The following ABCA13 variants were observed in gnomAD, a reference collection of about 807,000 sequenced individuals.
The protein encoded by ABCA13 is ATP-binding cassette sub-family A member 13.
ABCA13 carries 476 observed loss-of-function variants against 478.7 expected under a neutral mutation model. The ratio of observed to expected loss-of-function variants is 0.99; its 90% CI spans 0.92 to 1.07. ABCA13 has a LOEUF of 1.07. Among genes scored for constraint, ABCA13 ranks in the 50% least tolerant of loss-of-function variants. ABCA13 has a pLI of 0.00. For missense variants in ABCA13, 6,060 were observed against 5,910.6 expected (o/e 1.03, Z -0.83); for synonymous variants, 2,252 against 2,158.9 (o/e 1.04, Z -1.20).
At chr7:48,282,845 T>G (rs1797230081) in intron 19 of ABCA13, among the ~76,000 whole-genome samples, 1 of 152,170 alleles carries the variant, frequency 6.6e-6, no homozygotes, top group East Asian at 1.9e-4. Flanking sequence ...TCTACAGTTG[T>G]GAGAACCCAG....
chr7:48,193,652 TGATGATGATGGA>T (rs1371868888), intron 2 of ABCA13, among the ~76,000 whole-genome samples: 97 of 151,838 alleles, frequency 6.4e-4, no homozygotes, highest in African/African-American at 2.1e-3. Context: ...ACTATGATGA[TGATGATGATGGA>T]GATGATGATG....
intron 35 of ABCA13, among the ~76,000 whole-genome samples, chr7:48,379,080 G>A (rs938666414): frequency 6.6e-6 from 1 of 152,074 alleles, no homozygotes; most frequent in Non-Finnish European, 1.5e-5. Context: ...AAAAATCAAA[G>A]CTCGCACATA....
chr7:48,476,100 T>C (rs1419625060), intron 45 of ABCA13, among the ~76,000 whole-genome samples: 1 of 152,156 alleles, frequency 6.6e-6, no homozygotes, highest in Non-Finnish European at 1.5e-5. Flanking sequence ...CTCACACAGT[T>C]CTGGAGGCTG....
chr7:48,180,811 A>C (rs1562713832), intron 1 of ABCA13, among the ~76,000 whole-genome samples: 2 of 152,142 alleles, frequency 1.3e-5, no homozygotes, highest in Admixed American at 6.5e-5. Flanking sequence ...CTGAGGCAGG[A>C]GGATCGCTTC....
chr7:48,337,626 T>C (rs1452814352), intron 28 of ABCA13, among the ~76,000 whole-genome samples: 1 of 152,150 alleles, frequency 6.6e-6, no homozygotes, highest in Non-Finnish European at 1.5e-5. Context: ...ATTGGCAAAT[T>C]CCAAAATTAA....
chr7:48,394,947 T>C (rs995758533), intron 38 of ABCA13, among the ~76,000 whole-genome samples: 13 of 152,028 alleles, frequency 8.6e-5, no homozygotes, highest in Non-Finnish European at 1.6e-4. Context: ...GGTTGTATGG[T>C]GAAGGGTCAT....
chr7:48,171,698 A>G (rs1794091057), intron 1 of ABCA13, 146 bp downstream of exon 1: 2 of 885,306 alleles, frequency 2.3e-6, no homozygotes, highest in Admixed American at 4.4e-5. Flanking sequence ...ATTTTAAATC[A>G]AAACCCGTCC....
chr7:48,463,002 T>C (rs147227249), intron 43 of ABCA13, among the ~76,000 whole-genome samples: 1 of 152,224 alleles, frequency 6.6e-6, no homozygotes, highest in African/African-American at 2.4e-5. Context: ...CATCACTGTT[T>C]GTATCTAAAC....
intron 48 of ABCA13, among the ~76,000 whole-genome samples, chr7:48,492,087 G>A (rs528381165): frequency 6.6e-5 from 10 of 152,282 alleles, no homozygotes; most frequent in South Asian, 6.2e-4. Context: ...CCCTGATGCA[G>A]GCCGCTTGAT....
rs903979311 is a variant in ABCA13, at chr7:48,310,223, G to A, written c.9516+82G>A. 4 of 1,454,204 alleles carry A rather than the reference G, an allele frequency of 2.8e-6. No homozygotes were observed. In the African/African-American group the frequency reaches 5.7e-5, roughly 21 times the overall value. 90.1% of individuals were successfully genotyped at this position (1,454,204 alleles called of 1,614,324 possible). ...GCAGATAAGTACAGTAGTCCTAGGG[G>A]TGCGGCAGTGGGAGATCAGCACCTG... On this transcript the variant is annotated intron_variant, in intron 24 of 61. Coordinates refer to ENST00000435803, the MANE Select transcript of ABCA13 (RefSeq NM_152701.5).
chr7:48,197,003 T>C (rs917159646), intron 2 of ABCA13, among the ~76,000 whole-genome samples: 1 of 152,176 alleles, frequency 6.6e-6, no homozygotes, highest in African/African-American at 2.4e-5. Flanking sequence ...CTTCCAAAGT[T>C]AAGATTATTT....
At chr7:48,426,591 A>G (rs1821455055) in intron 41 of ABCA13, among the ~76,000 whole-genome samples, 1 of 152,180 alleles carries the variant, frequency 6.6e-6, no homozygotes, top group Admixed American at 6.5e-5. Context: ...AGCTGGATGG[A>G]CAGTGACGCT....
At chr7:48,191,390 A>G (rs1412352993) in intron 1 of ABCA13, among the ~76,000 whole-genome samples, 1 of 152,198 alleles carries the variant, frequency 6.6e-6, no homozygotes, top group East Asian at 1.9e-4. Flanking sequence ...AATATTTCAA[A>G]GACGGTGATT....
At chr7:48,218,845 T>G (rs935357346) in intron 3 of ABCA13, among the ~76,000 whole-genome samples, 5 of 152,240 alleles carry the variant, frequency 3.3e-5, no homozygotes, top group African/African-American at 1.2e-4. Context: ...TAACTCTTTG[T>G]GATGTAAGCT....
At chr7:48,439,566 A>T (rs1190880104) in intron 42 of ABCA13, among the ~76,000 whole-genome samples, 1 of 152,188 alleles carries the variant, frequency 6.6e-6, no homozygotes, top group Non-Finnish European at 1.5e-5. Context: ...ATGCAGGAGG[A>T]TATTACTACA....
At chr7:48,276,688 T>C (rs1796351119) in intron 17 of ABCA13, 123 bp downstream of exon 17, 3 of 755,822 alleles carry the variant, frequency 4.0e-6, no homozygotes, top group African/African-American at 3.5e-5. Context: ...AGATCTTTGA[T>C]GTAAATTTGT....
intron 41 of ABCA13, among the ~76,000 whole-genome samples, chr7:48,413,855 AT>A (rs1362737542): frequency 2.6e-5 from 4 of 152,222 alleles, no homozygotes; most frequent in Admixed American, 2.6e-4. Context: ...TATTATTCCT[AT>A]TTTAAGGTTG....
chr7:48,502,379 C>T (rs1830833869), intron 48 of ABCA13, among the ~76,000 whole-genome samples: 1 of 152,226 alleles, frequency 6.6e-6, no homozygotes, highest in African/African-American at 2.4e-5. Flanking sequence ...AATCTTTCAG[C>T]AGTGACTGTC....
Position 48,281,384 on chromosome 7 carries a change from C to T in ABCA13, c.8768C>T (p.Pro2923Leu). Residue 2923 changes from proline (P) to leucine (L), a missense_variant, in exon 19 of 62, where the codon CCC (proline) becomes CTC (leucine). Pro to Leu is a moderately conservative substitution (Grantham distance 98, BLOSUM62 -3). Around this residue, in one of 3 missense-constraint regions of ABCA13, gnomAD observed 4,423 missense variants for 4,309.1 expected, o/e 1.03. Transcript: ENST00000435803. The part of the protein sequence containing the change: ...ICEVFQQTVK[P>L]SEAMEMLQKV... ...GAAGTTTTCCAGCAGACTGTGAAGC[C>T]CTCAGAAGCCATGGAGATGCTGCAG... is the stretch of plus-strand genomic sequence containing the variant. The T allele has an allele frequency of 1.2e-6, 2 of 1,609,664 alleles. No individual in the cohort carries two copies. Among genetic ancestry groups the T allele is most frequent in the Non-Finnish European group, 1.7e-6 (2 of 1,178,060 alleles).
Sources: allele counts gnomAD v4.1 joint callset (sites outside exome capture counted in the v4.1 genomes callset), GRCh38; gene constraint gnomAD v4.1.1; regional missense constraint gnomAD v4.1.1; transcripts MANE v1.5; gene names NCBI Gene and HGNC (gene_info 2026-07-23, HGNC 2026-07-21).